The following RBP7 variants were observed in gnomAD, a reference collection of about 807,000 sequenced individuals.
The protein encoded by RBP7 is retinol binding protein 7, also known as retinoid-binding protein 7.
RBP7 carries 13 observed loss-of-function variants against 16.7 expected under a neutral mutation model. That is an observed-to-expected ratio of 0.78 (90% confidence interval 0.51 to 1.24). The LOEUF is 1.24. Ranked by LOEUF, RBP7 falls within the 50% of genes most tolerant of loss-of-function variation. The pLI, the probability that RBP7 is intolerant of heterozygous loss-of-function variation, is 0.00. For missense variants in RBP7, 145 were observed against 159.5 expected, an observed-to-expected ratio of 0.91 and a Z score of 0.49; for synonymous variants, 54 against 56.2, an observed-to-expected ratio of 0.96 and a Z score of 0.17.
intron 3 of RBP7, 69 bp downstream of exon 3, chr1:10,008,343 G>A: frequency 1.0e-6 from 1 of 1,004,540 alleles, no homozygotes; most frequent in Non-Finnish European, 1.6e-6. Context: ...AAGCGTGGTG[G>A]CTCACACCTG....
intron 1 of RBP7, among the ~76,000 whole-genome samples, chr1:9,998,556 C>T (rs1557482811): frequency 6.6e-6 from 1 of 151,800 alleles, no homozygotes; most frequent in African/African-American, 2.4e-5. Flanking sequence ...CTATAGGCGC[C>T]CGCCACCACG....
At chr1:10,001,978 G>A (rs1256675932) in intron 1 of RBP7, among the ~76,000 whole-genome samples, 5 of 151,876 alleles carry the variant, frequency 3.3e-5, no homozygotes, top group Non-Finnish European at 4.4e-5. Flanking sequence ...ACAGGCACAC[G>A]CCCCCACACC....
intron 1 of RBP7, among the ~76,000 whole-genome samples, chr1:9,999,494 A>G (rs1312641109): frequency 1.3e-5 from 2 of 152,246 alleles, no homozygotes; most frequent in East Asian, 1.9e-4. Flanking sequence ...CAGAGGTTGC[A>G]GTGAGCTGAG....
chr1:10,015,211 G>A (rs1374728756), intron 3 of RBP7, among the ~76,000 whole-genome samples: 1 of 152,062 alleles, frequency 6.6e-6, no homozygotes, highest in Non-Finnish European at 1.5e-5. Context: ...GGAGGCTGAG[G>A]CGGGCAGATC....
chr1:10,003,674 T>G (rs1206910787), intron 1 of RBP7, among the ~76,000 whole-genome samples: 1 of 152,198 alleles, frequency 6.6e-6, no homozygotes, highest in Non-Finnish European at 1.5e-5. Flanking sequence ...TGCAGGCTAA[T>G]CCCCGCTCTG....
At chr1:9,999,378 C>G (rs2101731165) in intron 1 of RBP7, among the ~76,000 whole-genome samples, 1 of 152,138 alleles carries the variant, frequency 6.6e-6, no homozygotes. Flanking sequence ...GAAACCCCGT[C>G]TCAACTAAAA....
intron 1 of RBP7, among the ~76,000 whole-genome samples, chr1:9,999,874 G>A (rs2101731503): frequency 7.0e-6 from 1 of 143,046 alleles, no homozygotes. Flanking sequence ...CTGGAGTGCA[G>A]TGGCGCGATC....
chr1:10,013,782 C>A (rs1172180687), intron 3 of RBP7, among the ~76,000 whole-genome samples: 1 of 151,834 alleles, frequency 6.6e-6, no homozygotes, highest in African/African-American at 2.4e-5. Context: ...TGCACTCCAG[C>A]CCGGGCAACA....
intron 1 of RBP7, among the ~76,000 whole-genome samples, chr1:10,001,408 C>T (rs748266430): frequency 2.6e-5 from 4 of 152,240 alleles, no homozygotes; most frequent in East Asian, 1.9e-4. Context: ...TGGGCTCAGG[C>T]GATCCTCCCA....
chr1:10,002,030 G>A (rs56295335), intron 1 of RBP7, among the ~76,000 whole-genome samples: 12,973 of 151,890 alleles, frequency 0.085, 707 homozygotes, highest in Non-Finnish European at 0.13. Flanking sequence ...GTTTCACCAC[G>A]TTGGCCAGGC....
At chr1:10,002,896 A>G (rs1642319447) in intron 1 of RBP7, among the ~76,000 whole-genome samples, 1 of 152,192 alleles carries the variant, frequency 6.6e-6, no homozygotes, top group South Asian at 2.1e-4. Context: ...GCAACATGGT[A>G]GTGAGGTAGG....
Position 9,997,368 on chromosome 1 carries a change from G to C in RBP7, c.73+37G>C, listed in dbSNP as rs761522360. ...GGGAGGCGGCGGCGGCGCGAGGCTC[G>C]CCGTGGGTCTCGGGATCAGGCGAAG... is the stretch of plus-strand genomic sequence containing the variant. On this transcript the variant is annotated intron_variant, in intron 1 of 3. Transcript: ENST00000294435. The surrounding 1 kb of genome is among the most constrained non-coding windows in gnomAD (Gnocchi z 5.9). 1 of 1,597,266 alleles carries C rather than the reference G, an allele frequency of 6.3e-7. No homozygotes were observed. Among genetic ancestry groups the C allele is most frequent in the Non-Finnish European group, 8.6e-7 (1 of 1,168,694 alleles).
chr1:10,015,727 A>G (rs1642757789), intron 3 of RBP7, 55 bp from the exon 4 acceptor site: 3 of 1,491,448 alleles, frequency 2.0e-6, no homozygotes, highest in Non-Finnish European at 2.8e-6. Context: ...GTTGAGAGTA[A>G]AAACAGACCA....
At chr1:10,008,650 AGGAT>A (rs1642520337) in intron 3 of RBP7, among the ~76,000 whole-genome samples, 2 of 151,036 alleles carry the variant, frequency 1.3e-5, no homozygotes, top group Non-Finnish European at 2.9e-5. Context: ...CATGTTGGCC[AGGAT>A]GGTCTCGATC....
At chr1:10,013,792 A>G (rs533721023) in intron 3 of RBP7, among the ~76,000 whole-genome samples, 15 of 151,996 alleles carry the variant, frequency 9.9e-5, no homozygotes, top group Non-Finnish European at 1.6e-4. Flanking sequence ...CCCGGGCAAC[A>G]AGAGCAAGAC....
intron 1 of RBP7, among the ~76,000 whole-genome samples, chr1:10,006,527 A>G (rs1381295154): frequency 6.6e-6 from 1 of 151,776 alleles, no homozygotes; most frequent in Non-Finnish European, 1.5e-5. Flanking sequence ...GAAAAAAATT[A>G]TAAATACATA....
chr1:10,001,024 G>A (rs1393991536), intron 1 of RBP7, among the ~76,000 whole-genome samples: 3 of 152,134 alleles, frequency 2.0e-5, no homozygotes, highest in Admixed American at 6.6e-5. Context: ...GTGAGCTACC[G>A]TGCCTGGCTG....
intron 1 of RBP7, among the ~76,000 whole-genome samples, chr1:10,006,229 G>A (rs956521929): frequency 1.3e-5 from 2 of 152,030 alleles, no homozygotes; most frequent in African/African-American, 2.4e-5. Flanking sequence ...AATTCTAGCC[G>A]AGCAGGGTGG....
intron 3 of RBP7, among the ~76,000 whole-genome samples, chr1:10,014,944 T>C (rs560958289): frequency 1.3e-5 from 2 of 152,208 alleles, no homozygotes; most frequent in Admixed American, 1.3e-4. Context: ...CCAAATTAAA[T>C]TGGCTTACTG....
Sources: allele counts gnomAD v4.1 joint callset (sites outside exome capture counted in the v4.1 genomes callset), GRCh38; gene constraint gnomAD v4.1.1; non-coding constraint Gnocchi (gnomAD v3.1); transcripts MANE v1.5; gene names NCBI Gene and HGNC (gene_info 2026-07-23, HGNC 2026-07-21).